Variants in ABL2 observed in about 807,000 individuals in gnomAD.
The protein encoded by ABL2 is ABL proto-oncogene 2, non-receptor tyrosine kinase.
A neutral mutation model predicts 107.7 loss-of-function variants in ABL2; 49 were observed. The observed-to-expected ratio is 0.45, with a 90% CI of 0.36 to 0.58. ABL2 has a LOEUF of 0.58. Among genes scored for constraint, ABL2 ranks in the 20% least tolerant of loss-of-function variants. The probability of loss-of-function intolerance (pLI) is 0.00; values close to 1 mark genes in which losing one functional copy is unlikely to be tolerated. For missense variants in ABL2, 1,245 were observed against 1,457.0 expected, an observed-to-expected ratio of 0.85 and a Z score of 2.37; for synonymous variants, 549 against 548.6, an observed-to-expected ratio of 1.00 and a Z score of -0.01.
At chr1:179,130,092 G>C (rs961062625) in intron 3 of ABL2, among the ~76,000 whole-genome samples, 1 of 152,118 alleles carries the variant, frequency 6.6e-6, no homozygotes, top group Non-Finnish European at 1.5e-5. Context: ...GGCACATGCC[G>C]CTACACACGG....
chr1:179,189,617 G>C (rs760012205), intron 1 of ABL2, among the ~76,000 whole-genome samples: 3 of 152,146 alleles, frequency 2.0e-5, no homozygotes, highest in Admixed American at 6.5e-5. Context: ...CTACCAAACG[G>C]TAAGAGGAGT....
intron 1 of ABL2, among the ~76,000 whole-genome samples, chr1:179,182,245 TTCAACTATTCTCCTAC>T (rs1328653893): frequency 6.6e-6 from 1 of 152,084 alleles, no homozygotes; most frequent in Non-Finnish European, 1.5e-5. Flanking sequence ...GCTGGGTAAA[TTCAACTATTCTCCTAC>T]TCCTAAAGTG....
rs1653031057 is a variant in ABL2 at position 179,100,831 on chromosome 1, A to G, written c.*6887T>C. On this transcript the variant is annotated 3_prime_UTR_variant, in exon 12 of 12. Coordinates refer to ENST00000502732, the MANE Select transcript of ABL2 (RefSeq NM_007314.4). Reference sequence around the variant, plus strand: ...CTGTGCCTGGCCTTTCCCCTTCAACACGCCAGCTGCTCCCTCAGAGTGAAC... The same window carrying G: ...CTGTGCCTGGCCTTTCCCCTTCAACGCGCCAGCTGCTCCCTCAGAGTGAAC... 4.3e-6 allele frequency: 1 copy of G among 232,676 alleles called. No homozygotes were observed. Among genetic ancestry groups the G allele is most frequent in the South Asian group, 1.8e-4 (1 of 5,528 alleles). 14.4% of individuals were successfully genotyped at this position (232,676 alleles called of 1,614,324 possible). A position where few individuals can be genotyped will look rare whatever the true frequency, so the allele number is the denominator to read the frequency against.
At chr1:179,116,947 C>T (rs777101817) in intron 8 of ABL2, 1 of 272,828 alleles carries the variant, frequency 3.7e-6, no homozygotes, top group Non-Finnish European at 7.1e-6. Flanking sequence ...ACTCCCCTGC[C>T]TCAGCCTTCA....
At chr1:179,151,078 G>T (rs534347737) in intron 1 of ABL2, among the ~76,000 whole-genome samples, 1 of 152,084 alleles carries the variant, frequency 6.6e-6, no homozygotes, top group Admixed American at 6.5e-5. Flanking sequence ...GCATGAACAC[G>T]ACTTTTATAT....
At chr1:179,225,688 G>C (rs1365787435) in intron 1 of ABL2, among the ~76,000 whole-genome samples, 2 of 152,120 alleles carry the variant, frequency 1.3e-5, no homozygotes, top group Non-Finnish European at 2.9e-5. Context: ...ACAATGCACA[G>C]GACAGCCCCC....
chr1:179,169,598 T>C (rs1303528646), intron 1 of ABL2, among the ~76,000 whole-genome samples: 4 of 150,694 alleles, frequency 2.7e-5, no homozygotes, highest in Non-Finnish European at 5.9e-5. Flanking sequence ...ATGAGAAACA[T>C]AAGTGGGGAA....
intron 1 of ABL2, among the ~76,000 whole-genome samples, chr1:179,169,459 A>T (rs1037356284): frequency 6.6e-6 from 1 of 151,410 alleles, no homozygotes; most frequent in African/African-American, 2.4e-5. Context: ...GAGGCAGGAG[A>T]ATAGCATGAA....
At chr1:179,219,927 A>G (rs1420811824) in intron 1 of ABL2, among the ~76,000 whole-genome samples, 1 of 152,268 alleles carries the variant, frequency 6.6e-6, no homozygotes, top group East Asian at 1.9e-4. Flanking sequence ...AATAATGACA[A>G]TAAAACTGAT....
intron 1 of ABL2, among the ~76,000 whole-genome samples, chr1:179,197,741 T>C (rs1173132095): frequency 6.6e-6 from 1 of 151,532 alleles, no homozygotes; most frequent in African/African-American, 2.4e-5. Context: ...TGGTGGCATG[T>C]GACTGTAGTC....
chr1:179,126,656 G>T lies in ABL2; in HGVS notation c.408C>A (p.Val136=). ...LSITKGEKLR[V]LGYNQNGEWS... ...ACTCACCATTCTGGTTGTAACCAAG[G>T]ACTCGTAGCTTTTCACCTAGCCATA... Residue 136 remains valine, a synonymous_variant, in exon 4 of 12, where the codon GTC becomes GTA. Coordinates refer to ENST00000502732, the MANE Select transcript of ABL2 (RefSeq NM_007314.4). This position sits in a 1 kb window ranked among gnomAD's most constrained non-coding sequence, Gnocchi z 4.4. 1 of 1,612,254 alleles carries T rather than the reference G, an allele frequency of 6.2e-7. No individual in the cohort carries two copies. The highest frequency in any genetic ancestry group is 8.5e-7 in the Non-Finnish European group (1 of 1,178,614).
intron 1 of ABL2, among the ~76,000 whole-genome samples, chr1:179,210,306 G>A (rs1195032545): frequency 6.6e-6 from 1 of 151,992 alleles, no homozygotes; most frequent in Non-Finnish European, 1.5e-5. Context: ...AGGAATTTGA[G>A]ACCATCCTGG....
At chr1:179,173,835 T>C (rs72709474) in intron 1 of ABL2, among the ~76,000 whole-genome samples, 3,334 of 105,590 alleles carry the variant, frequency 0.032, 56 homozygotes, top group Middle Eastern at 0.091. Flanking sequence ...AGATCTTACC[T>C]GGATATTAAT....
At position 179,107,992 on chromosome 1, in the gene ABL2, C is replaced by T. The variant is rs577604298; in HGVS notation, c.3275G>A (p.Cys1092Tyr). 1.9e-6 allele frequency: 3 copies of T among 1,614,248 alleles called. No homozygotes were observed. The South Asian group carries it at 3.3e-5, about 18-fold the overall frequency. Residue 1092 changes from cysteine (C) to tyrosine (Y), a missense_variant, in exon 12 of 12, where the codon TGT becomes TAT. Cys to Tyr is a radical substitution (Grantham distance 194, BLOSUM62 -2). This residue lies in a region of ABL2 where 761 missense variants were observed against 766.4 expected (regional missense o/e 0.99). Transcript: ENST00000502732. Reference sequence around the variant, plus strand: ...GAGTGCACTGGACAGTAGGTCAGCACATTCCAGCAGGGCCTCTTTGCTGAT... The same window carrying T: ...GAGTGCACTGGACAGTAGGTCAGCATATTCCAGCAGGGCCTCTTTGCTGAT... The part of the protein sequence containing the change: ...DKISKEALLE[C>Y]ADLLSSALTE...
intron 1 of ABL2, among the ~76,000 whole-genome samples, chr1:179,192,470 C>T (rs970246030): frequency 6.6e-6 from 1 of 152,206 alleles, no homozygotes; most frequent in African/African-American, 2.4e-5. Context: ...TTTATTCTCA[C>T]TGGACAAATA....
In ABL2 at chr1:179,201,623, C is replaced by T. The variant is rs565362003; in HGVS notation, c.157+27618G>A. 6.8e-6 allele frequency: 3 copies of T among 441,744 alleles called. No individual in the cohort carries two copies. The East Asian group carries it at 1.7e-4, about 25-fold the overall frequency. 27.4% of individuals were successfully genotyped at this position (441,744 alleles called of 1,614,324 possible). A position where few individuals can be genotyped will look rare whatever the true frequency, so the allele number is the denominator to read the frequency against. On this transcript the variant is annotated intron_variant, in intron 1 of 11. Transcript: ENST00000502732. Reference sequence around the variant, plus strand: ...TTCCTCTGCCTTCCTTGGCTGCCTACATGGATACCCAAGAGTCTTCCTTTC... The same window carrying T: ...TTCCTCTGCCTTCCTTGGCTGCCTATATGGATACCCAAGAGTCTTCCTTTC...
intron 8 of ABL2, among the ~76,000 whole-genome samples, chr1:179,115,345 A>T (rs192576365): frequency 6.6e-6 from 1 of 152,350 alleles, no homozygotes; most frequent in Admixed American, 6.5e-5. Context: ...TATTCTTAGA[A>T]AAGTTTTTGA....
rs1653336075 is a variant in ABL2, at chr1:179,104,351, C to T, written c.*3367G>A. 1 of 225,050 alleles carries T rather than the reference C, an allele frequency of 4.4e-6. No individual in the cohort carries two copies. Among genetic ancestry groups the T allele is most frequent in the African/African-American group, 2.2e-5 (1 of 44,930 alleles). 13.9% of individuals were successfully genotyped at this position (225,050 alleles called of 1,614,324 possible). On this transcript the variant is annotated 3_prime_UTR_variant, in exon 12 of 12. Transcript: ENST00000502732. The stretch of plus-strand genomic sequence containing the variant: ...ACTGCATCCTTTAAACTCAAAATCT[C>T]CATGACTTTAGTTAAATAAAAATGG...
At position 179,115,044 on chromosome 1, in the gene ABL2, T is replaced by A; in HGVS notation, c.1409-14A>T. Reference sequence around the variant, plus strand: ...ATACCCCAAAAGCTGCATAAGGAATTAAAAAAAGCACTTAGTGTTTCTTCT... The same window carrying A: ...ATACCCCAAAAGCTGCATAAGGAATAAAAAAAAGCACTTAGTGTTTCTTCT... On this transcript the variant is annotated splice_polypyrimidine_tract_variant and intron_variant, in intron 8 of 11. Transcript: ENST00000502732. 1 of 1,572,018 alleles carries A rather than the reference T, an allele frequency of 6.4e-7. No homozygotes were observed. Among genetic ancestry groups the A allele is most frequent in the Admixed American group, 2.0e-5 (1 of 50,412 alleles).
Sources: gnomAD v4.1 joint callset for allele counts (sites outside exome capture counted in the v4.1 genomes callset) on GRCh38, gnomAD v4.1.1 for gene constraint, gnomAD v4.1.1 regional missense constraint, Gnocchi (gnomAD v3.1) non-coding constraint, MANE v1.5 for transcripts, NCBI Gene and HGNC (gene_info 2026-07-23, HGNC 2026-07-21) for gene names.